RIMS2: variants seen among roughly 807,000 people sequenced by gnomAD.
RIMS2 encodes the protein regulating synaptic membrane exocytosis 2, also known as regulating synaptic membrane exocytosis protein 2.
RIMS2 carries 59 observed loss-of-function variants against 174.4 expected under a neutral mutation model. That is an observed-to-expected ratio of 0.34 (90% CI 0.27 to 0.42). The LOEUF (loss-of-function observed/expected upper bound fraction) is 0.42. Ranked by LOEUF, RIMS2 falls within the 10% of genes least tolerant of loss-of-function variation. RIMS2 has a pLI of 1.00. For missense variants in RIMS2, 1,620 were observed against 1,666.3 expected, an observed-to-expected ratio of 0.97 and a Z score of 0.48; for synonymous variants, 606 against 572.5, an observed-to-expected ratio of 1.06 and a Z score of -0.84.
At chr8:103,888,910 T>A (rs1289312550) in intron 4 of RIMS2, among the ~76,000 whole-genome samples, 3 of 151,612 alleles carry the variant, frequency 2.0e-5, no homozygotes, top group Non-Finnish European at 4.4e-5. Flanking sequence ...AACATGTATT[T>A]GGCAGAAAAC....
At chr8:103,962,824 A>C (rs1486521848) in intron 15 of RIMS2, among the ~76,000 whole-genome samples, 2 of 152,138 alleles carry the variant, frequency 1.3e-5, no homozygotes, top group Non-Finnish European at 2.9e-5. Flanking sequence ...CACGATACCT[A>C]TTGAGTGTAC....
chr8:103,794,335 G>A (rs1044480478), intron 3 of RIMS2, among the ~76,000 whole-genome samples: 2 of 152,126 alleles, frequency 1.3e-5, no homozygotes, highest in African/African-American at 4.8e-5. Flanking sequence ...AATGGGGAAA[G>A]AATTCCCTAT....
chr8:104,039,946 T>C (rs544530881), intron 19 of RIMS2, among the ~76,000 whole-genome samples: 1 of 151,740 alleles, frequency 6.6e-6, no homozygotes, highest in South Asian at 2.1e-4. Flanking sequence ...GGTGAAAAAA[T>C]GTGTTCATAT....
intron 17 of RIMS2, among the ~76,000 whole-genome samples, chr8:103,991,994 C>A (rs1207811447): frequency 6.6e-6 from 1 of 152,108 alleles, no homozygotes; most frequent in African/African-American, 2.4e-5. Context: ...GTGCTTTAAC[C>A]TTACCATTTT....
At chr8:104,119,962 G>T (rs978234699) in intron 19 of RIMS2, among the ~76,000 whole-genome samples, 5 of 152,190 alleles carry the variant, frequency 3.3e-5, no homozygotes, top group Non-Finnish European at 7.3e-5. Context: ...CAAATGTAGG[G>T]CACATTGTGA....
intron 2 of RIMS2, among the ~76,000 whole-genome samples, chr8:103,732,632 A>G (rs1028813685): frequency 6.6e-6 from 1 of 151,994 alleles, no homozygotes; most frequent in Admixed American, 6.6e-5. Flanking sequence ...GCTTTGTACT[A>G]CTGCAGCTGA....
At chr8:103,946,075 T>G (rs1565461583) in intron 14 of RIMS2, among the ~76,000 whole-genome samples, 1 of 152,200 alleles carries the variant, frequency 6.6e-6, no homozygotes, top group Admixed American at 6.5e-5. Context: ...TGATTCTATA[T>G]GTAGAAAATT....
At chr8:104,171,956 A>G (rs771070915) in intron 19 of RIMS2, among the ~76,000 whole-genome samples, 21 of 152,142 alleles carry the variant, frequency 1.4e-4, no homozygotes, top group Non-Finnish European at 2.6e-4. Context: ...TGGCTTTCCC[A>G]AATGCTGCTT....
At position 104,251,582 on chromosome 8, in the gene RIMS2, A is replaced by G. The variant is rs370893212; in HGVS notation, c.3832-20A>G. On this transcript the variant is annotated intron_variant, in intron 23 of 23. Coordinates refer to ENST00000504942, the Ensembl canonical transcript of RIMS2. ...TACACAGTTACACTGACATCACTCT[A>G]CTTTTTATTTTGCCAACAGATCATC... 2.5e-5 allele frequency: 33 copies of G among 1,339,702 alleles called. No individual in the cohort carries two copies. The African/African-American group carries it at 4.2e-4, about 17-fold the overall frequency. The allele number at this position is 1,339,702 out of a possible 1,614,324, so 83.0% of individuals were successfully genotyped here.
At chr8:103,975,486 C>T (rs1177918376) in exon 16 of RIMS2, 1 of 1,613,044 alleles carries the variant, frequency 6.2e-7, no homozygotes, top group Admixed American at 1.7e-5. Flanking sequence ...CATGGTCACC[C>T]AGTGTCCCTC....
At chr8:104,098,535 C>A (rs1488806710) in intron 19 of RIMS2, among the ~76,000 whole-genome samples, 1 of 152,118 alleles carries the variant, frequency 6.6e-6, no homozygotes, top group Non-Finnish European at 1.5e-5. Flanking sequence ...GAAATTATTT[C>A]TCTATACACT....
intron 3 of RIMS2, among the ~76,000 whole-genome samples, chr8:103,795,984 C>T (rs1388915927): frequency 6.6e-6 from 1 of 152,140 alleles, no homozygotes; most frequent in Non-Finnish European, 1.5e-5. Flanking sequence ...TCTTATTGCA[C>T]CATCAATCAT....
intron 1 of RIMS2, among the ~76,000 whole-genome samples, chr8:103,524,777 C>T (rs1833219341): frequency 6.6e-6 from 1 of 152,280 alleles, no homozygotes; most frequent in African/African-American, 2.4e-5. Flanking sequence ...CTACCCCTGC[C>T]AGAACTGCAC....
At chr8:103,979,220 C>T (rs2093690362) in intron 16 of RIMS2, among the ~76,000 whole-genome samples, 1 of 151,958 alleles carries the variant, frequency 6.6e-6, no homozygotes, top group South Asian at 2.1e-4. Flanking sequence ...GAAATTTTTA[C>T]CTTAAAGGGT....
chr8:103,810,600 T>C (rs1269639709), intron 3 of RIMS2, among the ~76,000 whole-genome samples: 1 of 152,184 alleles, frequency 6.6e-6, no homozygotes, highest in Non-Finnish European at 1.5e-5. Context: ...AAAATTTTTA[T>C]TGTAAATATT....
At chr8:103,702,331 T>C (rs1211776999) in intron 2 of RIMS2, among the ~76,000 whole-genome samples, 2 of 152,212 alleles carry the variant, frequency 1.3e-5, no homozygotes, top group African/African-American at 4.8e-5. Flanking sequence ...ATTCCAGTTA[T>C]TAATCCCTTA....
intron 9 of RIMS2, among the ~76,000 whole-genome samples, chr8:103,920,414 A>C (rs571702540): frequency 2.5e-4 from 38 of 152,186 alleles, no homozygotes; most frequent in East Asian, 1.2e-3. Flanking sequence ...ACAACAACAA[A>C]AAAAACCCAG....
intron 3 of RIMS2, among the ~76,000 whole-genome samples, chr8:103,863,446 G>C (rs1432503028): frequency 6.6e-6 from 1 of 152,108 alleles, no homozygotes; most frequent in East Asian, 1.9e-4. Flanking sequence ...GTATTAGGCT[G>C]ATGCTGGCTT....
At chr8:103,579,082 G>A (rs946966808) in intron 1 of RIMS2, among the ~76,000 whole-genome samples, 1 of 152,104 alleles carries the variant, frequency 6.6e-6, no homozygotes, top group Non-Finnish European at 1.5e-5. Flanking sequence ...AAAACTGGGA[G>A]AATTCACCAC....
Sources: allele counts gnomAD v4.1 joint callset (sites outside exome capture counted in the v4.1 genomes callset), GRCh38; gene constraint gnomAD v4.1.1; transcripts MANE v1.5; gene names NCBI Gene and HGNC (gene_info 2026-07-23, HGNC 2026-07-21).